The following USP3 variants were observed in gnomAD, a reference collection of about 807,000 sequenced individuals.
USP3 encodes the protein ubiquitin specific peptidase 3.
In USP3, 20 loss-of-function variants were observed where a neutral mutation model predicts 72.3. The ratio of observed to expected loss-of-function variants is 0.28; its 90% CI spans 0.19 to 0.40. The LOEUF is 0.40. Ranked by LOEUF, USP3 falls within the 10% of genes least tolerant of loss-of-function variation. The probability of loss-of-function intolerance (pLI) is 1.00; values close to 1 mark genes in which losing one functional copy is unlikely to be tolerated. For synonymous variants in USP3, 222 were observed against 225.3 expected (o/e 0.99, Z 0.13); for missense variants, 479 against 633.9 (o/e 0.76, Z 2.62).
rs554235179 is a variant in USP3, at chr15:63,505,623, A to G, written c.91+793A>G. Reference sequence around the variant, plus strand: ...TTAGATTTATATAAGGCTTTTGAGTAGCTTAAGCGTTTTAACTCCTGCTGG... The same window carrying G: ...TTAGATTTATATAAGGCTTTTGAGTGGCTTAAGCGTTTTAACTCCTGCTGG... On this transcript the variant is annotated intron_variant, in intron 1 of 14. Transcript: ENST00000380324. 3.3e-5 allele frequency among the ~76,000 whole-genome samples: 5 copies of G among 152,226 alleles called. No individual in the cohort carries two copies. The East Asian group carries it at 9.6e-4, about 29-fold the overall frequency.
intron 7 of USP3, among the ~76,000 whole-genome samples, 184 bp from the exon 8 acceptor site, chr15:63,562,711 G>T (rs1436083861): frequency 2.0e-5 from 3 of 152,252 alleles, no homozygotes; most frequent in African/African-American, 7.2e-5. Flanking sequence ...AGCTTTGTCA[G>T]AATTACTGCT....
intron 1 of USP3, among the ~76,000 whole-genome samples, chr15:63,520,833 G>A (rs2065911037): frequency 1.3e-5 from 2 of 152,026 alleles, no homozygotes; most frequent in African/African-American, 4.8e-5. Flanking sequence ...AAAGTGCTAG[G>A]ATTACAGGCA....
chr15:63,509,052 G>C (rs1307595141), intron 1 of USP3, among the ~76,000 whole-genome samples: 1 of 152,120 alleles, frequency 6.6e-6, no homozygotes, highest in Admixed American at 6.5e-5. Context: ...GTTGTCAGTG[G>C]TAATAAATTT....
At chr15:63,510,939 A>G (rs1204173070) in intron 1 of USP3, among the ~76,000 whole-genome samples, 1 of 152,100 alleles carries the variant, frequency 6.6e-6, no homozygotes, top group Non-Finnish European at 1.5e-5. Flanking sequence ...CGTTGAATGA[A>G]CTTTGGCTTA....
chr15:63,574,130 T>C lies in USP3; in HGVS notation c.993T>C (p.Ser331=). Residue 331 remains serine, a synonymous_variant, in exon 10 of 15, where the codon TCT becomes TCC. Transcript: ENST00000380324. The surrounding 1 kb of genome is among the most constrained non-coding windows in gnomAD (Gnocchi z 4.6). ...EVNCLICGTE[S]RKFDPFLDLS... ...ACTGCCTCATATGTGGGACAGAATCTAGAAAGTTTGATCCATTCCTAGGTA... is the reference window on the plus strand; with the variant it reads ...ACTGCCTCATATGTGGGACAGAATCCAGAAAGTTTGATCCATTCCTAGGTA... The C allele has an allele frequency of 1.3e-6, 2 of 1,592,682 alleles. No individual in the cohort carries two copies. Among genetic ancestry groups the C allele is most frequent in the Non-Finnish European group, 8.6e-7 (1 of 1,168,620 alleles).
Position 63,556,722 on chromosome 15 carries a change from C to G in USP3, c.424C>G (p.Leu142Val). Residue 142 changes from leucine to valine, a missense_variant, in exon 5 of 15, where the codon CTA becomes GTA. Transcript: ENST00000380324. ...KKRKLLENST[L>V]NSKLLKVNGS... The stretch of plus-strand genomic sequence containing the variant: ...AAGAAAACTTTTGGAAAACTCAACA[C>G]TAAACAGCAAGTTATTAAAAGTAAA... 1.9e-6 allele frequency: 3 copies of G among 1,606,278 alleles called. No individual in the cohort carries two copies. Among genetic ancestry groups the G allele is most frequent in the Non-Finnish European group, 2.5e-6 (3 of 1,176,516 alleles).
chr15:63,536,360 G>A (rs1035792137), intron 2 of USP3, among the ~76,000 whole-genome samples: 1 of 151,882 alleles, frequency 6.6e-6, no homozygotes. Flanking sequence ...AGCAACTTGA[G>A]CAGAGTCTAT....
At chr15:63,547,149 A>G (rs2066341467) in intron 3 of USP3, among the ~76,000 whole-genome samples, 1 of 152,216 alleles carries the variant, frequency 6.6e-6, no homozygotes, top group Non-Finnish European at 1.5e-5. Context: ...ACTAACATTT[A>G]CTAATCCTCT....
intron 3 of USP3, among the ~76,000 whole-genome samples, chr15:63,552,046 C>T (rs2066444778): frequency 6.6e-6 from 1 of 152,150 alleles, no homozygotes; most frequent in African/African-American, 2.4e-5. Context: ...TTATTTGTGG[C>T]AGTTAGAGGT....
In USP3 at chr15:63,523,388, A is replaced by G. The variant is rs182725275; in HGVS notation, c.92-9259A>G. 4.6e-5 allele frequency among the ~76,000 whole-genome samples: 7 copies of G among 152,338 alleles called. No homozygotes were observed. The East Asian group carries it at 1.3e-3, about 29-fold the overall frequency. On this transcript the variant is annotated intron_variant, in intron 1 of 14. Coordinates refer to ENST00000380324, the MANE Select transcript of USP3 (RefSeq NM_006537.4). ...GGTCATAGAATAAAATAGTAGAGCT[A>G]CAACTTTAAGACAGTTGGTTCTGAA...
chr15:63,591,183 A>C lies in USP3; in HGVS notation c.*357A>C, dbSNP rs946098269. 5.2e-6 allele frequency: 1 copy of C among 193,278 alleles called. No individual in the cohort carries two copies. Among genetic ancestry groups the C allele is most frequent in the Non-Finnish European group, 1.1e-5 (1 of 93,598 alleles). The allele number at this position is 193,278 out of a possible 1,614,324, so 12.0% of individuals were successfully genotyped here. ...GTTCCTCTCACATGCTGAAAGCAAG[A>C]TGTGTTCCTTATTGTGAAGAGCGAC... is the stretch of plus-strand genomic sequence containing the variant. On this transcript the variant is annotated 3_prime_UTR_variant, in exon 15 of 15. Coordinates refer to ENST00000380324, the MANE Select transcript of USP3 (RefSeq NM_006537.4).
At chr15:63,530,533 G>T in intron 1 of USP3, 1 of 365,846 alleles carries the variant, frequency 2.7e-6, no homozygotes, top group Non-Finnish European at 5.3e-6. Flanking sequence ...AGCTGGTCTC[G>T]AACTCCTGGA....
rs2066469003 is a variant in USP3 at position 63,553,838 on chromosome 15, G to A, written c.368+40G>A. On this transcript the variant is annotated intron_variant, in intron 4 of 14. Transcript: ENST00000380324. The surrounding 1 kb of genome is among the most constrained non-coding windows in gnomAD (Gnocchi z 4.2). Reference sequence around the variant, plus strand: ...TTTGGAAAAAGAAGGGCCTAAGAATGGGGTTGAGGAGTCTTTTAGAATTTT... The same window carrying A: ...TTTGGAAAAAGAAGGGCCTAAGAATAGGGTTGAGGAGTCTTTTAGAATTTT... 1.3e-6 allele frequency: 2 copies of A among 1,542,006 alleles called. No homozygotes were observed. Among genetic ancestry groups the A allele is most frequent in the Non-Finnish European group, 1.8e-6 (2 of 1,134,702 alleles).
rs2066460787 is a variant in USP3, at chr15:63,553,228, G to A, written c.285-487G>A. 1 of 152,242 alleles carries A rather than the reference G, an allele frequency of 6.6e-6. No homozygotes were observed. The highest frequency in any genetic ancestry group is 2.4e-5 in the African/African-American group (1 of 41,444). 9.4% of individuals were successfully genotyped at this position (152,242 alleles called of 1,614,324 possible). A position where few individuals can be genotyped will look rare whatever the true frequency, so the allele number is the denominator to read the frequency against. On this transcript the variant is annotated intron_variant, in intron 3 of 14. Transcript: ENST00000380324. This position sits in a 1 kb window ranked among gnomAD's most constrained non-coding sequence, Gnocchi z 4.2. The stretch of plus-strand genomic sequence containing the variant: ...ATTTTAATTAAATTATGTTTAAAAT[G>A]TGCAGCTTTAACTTTAGTTTTTCTA...
chr15:63,576,741 C>T (rs1172920367), intron 11 of USP3, among the ~76,000 whole-genome samples: 1 of 152,150 alleles, frequency 6.6e-6, no homozygotes, highest in Non-Finnish European at 1.5e-5. Context: ...AGCTGGCTTT[C>T]GTTTGAATCC....
rs189244054 is a variant in USP3 at position 63,528,302 on chromosome 15, C to T, written c.92-4345C>T. ...TCACTTATGAGACTCCCAGTCACAC[C>T]GCTATGGCCAAGTGTGAGAAATAAA... On this transcript the variant is annotated intron_variant, in intron 1 of 14. Coordinates refer to ENST00000380324, the MANE Select transcript of USP3 (RefSeq NM_006537.4). This position sits in a 1 kb window ranked among gnomAD's most constrained non-coding sequence, Gnocchi z 4.3. 3.3e-5 allele frequency among the ~76,000 whole-genome samples: 5 copies of T among 152,230 alleles called. No homozygotes were observed. In the East Asian group the frequency reaches 7.7e-4, roughly 23 times the overall value.
At chr15:63,534,132 A>C (rs1421873527) in intron 2 of USP3, among the ~76,000 whole-genome samples, 1 of 152,220 alleles carries the variant, frequency 6.6e-6, no homozygotes, top group Non-Finnish European at 1.5e-5. Flanking sequence ...TGTCAATTGC[A>C]AACAAGCTTA....
rs2066756644 is a variant in USP3, at chr15:63,570,185, G to A, written c.762-248G>A. ...TCCACAATTTCCTCACCTCTGAAGT[G>A]AGGAGATCATTGCAAATCCAATTAG... On this transcript the variant is annotated intron_variant, in intron 8 of 14. Transcript: ENST00000380324. This position sits in a 1 kb window ranked among gnomAD's most constrained non-coding sequence, Gnocchi z 4.4. Among the ~76,000 whole-genome samples the A allele has an allele frequency of 6.6e-6, 1 of 152,228 alleles. No individual in the cohort carries two copies. Among genetic ancestry groups the A allele is most frequent in the Admixed American group, 6.5e-5 (1 of 15,290 alleles).
chr15:63,591,122 G>A lies in USP3; in HGVS notation c.*296G>A, dbSNP rs1006523514. On this transcript the variant is annotated 3_prime_UTR_variant, in exon 15 of 15. Coordinates refer to ENST00000380324, the MANE Select transcript of USP3 (RefSeq NM_006537.4). ...TTTTTATTTTATGTTAATGTTTTCAGTTCTCACTTTGAGGCACATTTACAT... is the reference window on the plus strand; with the variant it reads ...TTTTTATTTTATGTTAATGTTTTCAATTCTCACTTTGAGGCACATTTACAT... 7.0e-5 allele frequency: 18 copies of A among 257,614 alleles called. No individual in the cohort carries two copies. The highest frequency in any genetic ancestry group is 1.5e-5 in the Non-Finnish European group (2 of 134,946). The allele number at this position is 257,614 out of a possible 1,614,324, so 16.0% of individuals were successfully genotyped here.
Sources: gnomAD v4.1 joint callset for allele counts (sites outside exome capture counted in the v4.1 genomes callset) on GRCh38, gnomAD v4.1.1 for gene constraint, Gnocchi (gnomAD v3.1) non-coding constraint, MANE v1.5 for transcripts, NCBI Gene and HGNC (gene_info 2026-07-23, HGNC 2026-07-21) for gene names.